KCND2: variants seen among roughly 807,000 people sequenced by gnomAD.
KCND2 encodes potassium voltage-gated channel subfamily D member 2, also known as A-type voltage-gated potassium channel KCND2.
Under a neutral mutation model 54.4 loss-of-function variants are expected in KCND2, and 16 were observed. That is an observed-to-expected ratio of 0.29 (90% CI 0.20 to 0.45). The LOEUF (loss-of-function observed/expected upper bound fraction) is 0.45. KCND2 is among the 20% of genes least tolerant of loss of function. The pLI is 1.00. For missense variants in KCND2, 486 were observed against 824.2 expected (o/e 0.59, Z 5.02); for synonymous variants, 317 against 310.7 (o/e 1.02, Z -0.21).
intron 1 of KCND2, among the ~76,000 whole-genome samples, chr7:120,361,390 T>G (rs374888981): frequency 7.1e-4 from 107 of 151,520 alleles, no homozygotes; most frequent in Middle Eastern, 3.4e-3. Context: ...TCTCTCGCTC[T>G]CTCTCTCTCT....
chr7:120,700,021 T>C (rs963475869), intron 1 of KCND2, among the ~76,000 whole-genome samples: 34 of 152,004 alleles, frequency 2.2e-4, no homozygotes, highest in Admixed American at 2.6e-4. Flanking sequence ...GTTGGAAGAA[T>C]CAGGACAAGA....
intron 1 of KCND2, among the ~76,000 whole-genome samples, chr7:120,696,597 AAG>A (rs1792335918): frequency 6.6e-6 from 1 of 152,228 alleles, no homozygotes; most frequent in African/African-American, 2.4e-5. Flanking sequence ...GGGGCCTAAA[AAG>A]AAGTGATTAA....
chr7:120,673,337 T>A (rs1792017684), intron 1 of KCND2, among the ~76,000 whole-genome samples: 1 of 152,160 alleles, frequency 6.6e-6, no homozygotes, highest in African/African-American at 2.4e-5. Flanking sequence ...GAATGTTTTG[T>A]AACTTCCCAA....
chr7:120,299,364 C>A (rs867597618), intron 1 of KCND2, among the ~76,000 whole-genome samples: 1 of 151,988 alleles, frequency 6.6e-6, no homozygotes, highest in African/African-American at 2.4e-5. Context: ...CAGATTTTCA[C>A]CATTCTTTTG....
chr7:120,619,521 G>A (rs7791851), intron 1 of KCND2, among the ~76,000 whole-genome samples: 44,340 of 152,056 alleles, frequency 0.29, 8,165 homozygotes, highest in African/African-American at 0.51. Context: ...CTTCCATGAG[G>A]GTCAACTTTT....
rs993651209 is a variant in KCND2, at chr7:120,454,182, A to G, written c.1115+178435A>G. Among the ~76,000 whole-genome samples, 5 of 152,320 alleles carry G rather than the reference A, an allele frequency of 3.3e-5. No individual in the cohort carries two copies. In the East Asian group the frequency reaches 9.6e-4, roughly 29 times the overall value. ...ACAAAAGAAAACTAACCCCAAAGCTAGCAGAAGACAGGAAGTAACAAAAAT... is the reference window on the plus strand; with the variant it reads ...ACAAAAGAAAACTAACCCCAAAGCTGGCAGAAGACAGGAAGTAACAAAAAT... On this transcript the variant is annotated intron_variant, in intron 1 of 5. Coordinates refer to ENST00000331113, the MANE Select transcript of KCND2 (RefSeq NM_012281.3).
chr7:120,599,942 C>T (rs1792794048), intron 1 of KCND2, among the ~76,000 whole-genome samples: 2 of 151,780 alleles, frequency 1.3e-5, no homozygotes, highest in African/African-American at 2.4e-5. Context: ...TGTAGATATT[C>T]TTTTTCTAGG....
At chr7:120,321,063 T>G (rs1426280407) in intron 1 of KCND2, among the ~76,000 whole-genome samples, 1 of 152,164 alleles carries the variant, frequency 6.6e-6, no homozygotes, top group Non-Finnish European at 1.5e-5. Flanking sequence ...GCTAACCTTT[T>G]TTTCCTGTAT....
intron 1 of KCND2, among the ~76,000 whole-genome samples, chr7:120,354,772 GAAAGA>G (rs761263518): frequency 6.6e-5 from 10 of 152,108 alleles, no homozygotes; most frequent in Non-Finnish European, 1.3e-4. Context: ...AAAGAAAACA[GAAAGA>G]AAAGAAAAGA....
chr7:120,419,273 C>T (rs528442195), intron 1 of KCND2, among the ~76,000 whole-genome samples: 2 of 152,250 alleles, frequency 1.3e-5, no homozygotes, highest in Admixed American at 1.3e-4. Flanking sequence ...TTCCTCAAAG[C>T]TTCAAATTCC....
At chr7:120,414,031 G>C (rs1304725811) in intron 1 of KCND2, among the ~76,000 whole-genome samples, 1 of 150,842 alleles carries the variant, frequency 6.6e-6, no homozygotes, top group African/African-American at 2.4e-5. Context: ...TTAGTCTGAT[G>C]ATGAGGTTCT....
rs1439623116 is a variant in KCND2, at chr7:120,275,033, A to T, written c.401A>T (p.Tyr134Phe). Residue 134 changes from tyrosine (Y) to phenylalanine (F), a missense_variant, in exon 1 of 6, where the codon TAT (tyrosine) becomes TTT (phenylalanine). By Grantham distance (22) the Tyr-to-Phe change is conservative (BLOSUM62 3). Coordinates refer to ENST00000331113, the MANE Select transcript of KCND2 (RefSeq NM_012281.3). ...CCGGAAATCATCGGCGACTGCTGTTATGAGGAGTACAAGGATCGCAGGCGA... is the reference window on the plus strand; with the variant it reads ...CCGGAAATCATCGGCGACTGCTGTTTTGAGGAGTACAAGGATCGCAGGCGA... Reference protein sequence around the residue: ...LIPEIIGDCCYEEYKDRRREN... With the variant: ...LIPEIIGDCCFEEYKDRRREN... 1.9e-6 allele frequency: 3 copies of T among 1,613,908 alleles called. No individual in the cohort carries two copies. The highest frequency in any genetic ancestry group is 8.5e-7 in the Non-Finnish European group (1 of 1,180,032).
intron 1 of KCND2, among the ~76,000 whole-genome samples, chr7:120,573,219 A>G (rs961198882): frequency 6.6e-6 from 1 of 152,144 alleles, no homozygotes; most frequent in African/African-American, 2.4e-5. Flanking sequence ...TAAGTACTTT[A>G]TGTCAGTAAT....
intron 1 of KCND2, among the ~76,000 whole-genome samples, chr7:120,589,667 A>G (rs1792645615): frequency 6.6e-6 from 1 of 152,216 alleles, no homozygotes; most frequent in Non-Finnish European, 1.5e-5. Context: ...TTTTTAAGTA[A>G]TTTATTCTCT....
At chr7:120,284,295 G>A (rs1032165988) in intron 1 of KCND2, among the ~76,000 whole-genome samples, 4 of 150,920 alleles carry the variant, frequency 2.7e-5, no homozygotes, top group South Asian at 2.1e-4. Context: ...ACATGCACAC[G>A]CACACACACA....
At chr7:120,447,883 A>G (rs1802039852) in intron 1 of KCND2, among the ~76,000 whole-genome samples, 1 of 151,892 alleles carries the variant, frequency 6.6e-6, no homozygotes, top group African/African-American at 2.4e-5. Context: ...TTGGCCAGAC[A>G]TGGAATAAAC....
chr7:120,327,236 A>G (rs892496575), intron 1 of KCND2, among the ~76,000 whole-genome samples: 7 of 152,072 alleles, frequency 4.6e-5, no homozygotes, highest in African/African-American at 1.7e-4. Context: ...CTATTAGCAT[A>G]AAAGGTCTTT....
At chr7:120,702,767 A>G (rs1792419453) in intron 1 of KCND2, among the ~76,000 whole-genome samples, 1 of 152,134 alleles carries the variant, frequency 6.6e-6, no homozygotes. Flanking sequence ...AACAACACAT[A>G]CAGGGGACCA....
chr7:120,313,024 G>A (rs1469264940), intron 1 of KCND2, among the ~76,000 whole-genome samples: 1 of 152,166 alleles, frequency 6.6e-6, no homozygotes, highest in Non-Finnish European at 1.5e-5. Context: ...CTTTTCCATT[G>A]CAGGAATCCG....
Sources: allele counts gnomAD v4.1 joint callset (sites outside exome capture counted in the v4.1 genomes callset), GRCh38; gene constraint gnomAD v4.1.1; transcripts MANE v1.5; gene names NCBI Gene and HGNC (gene_info 2026-07-23, HGNC 2026-07-21).